Variants in AGBL1 observed in about 807,000 individuals in gnomAD.
AGBL1 encodes the protein cytosolic carboxypeptidase 4.
In AGBL1, 130 loss-of-function variants were observed where a neutral mutation model predicts 118.9. The observed-to-expected ratio is 1.09, with a 90% CI of 0.95 to 1.26. The LOEUF is 1.26. Ranked by LOEUF, AGBL1 falls within the 50% of genes most tolerant of loss-of-function variation. The pLI, the probability that AGBL1 is intolerant of heterozygous loss-of-function variation, is 0.00. For synonymous variants in AGBL1, 555 were observed against 478.9 expected (o/e 1.16, Z -2.08); for missense variants, 1,584 against 1,298.1 (o/e 1.22, Z -3.38).
intron 17 of AGBL1, among the ~76,000 whole-genome samples, chr15:86,356,615 C>T (rs2080725246): frequency 1.3e-5 from 2 of 152,050 alleles, no homozygotes; most frequent in African/African-American, 4.8e-5. Flanking sequence ...TGCTGCATCC[C>T]ATGTGTTTGA....
intron 17 of AGBL1, among the ~76,000 whole-genome samples, chr15:86,334,794 G>A (rs551165246): frequency 6.6e-6 from 1 of 152,178 alleles, no homozygotes; most frequent in South Asian, 2.1e-4. Flanking sequence ...AAATAGCATG[G>A]TACACTACAA....
At chr15:86,581,122 A>T (rs2084166500) in intron 21 of AGBL1, among the ~76,000 whole-genome samples, 1 of 152,198 alleles carries the variant, frequency 6.6e-6, no homozygotes, top group Non-Finnish European at 1.5e-5. Flanking sequence ...ACTTGATATT[A>T]TAAAATATTA....
chr15:86,218,865 C>G (rs887333164), intron 5 of AGBL1, among the ~76,000 whole-genome samples: 7 of 152,196 alleles, frequency 4.6e-5, no homozygotes, highest in African/African-American at 1.4e-4. Flanking sequence ...AGTTGAGCCT[C>G]AAGATGAAGA....
intron 1 of AGBL1, among the ~76,000 whole-genome samples, chr15:86,093,571 A>G: frequency 6.6e-6 from 1 of 152,172 alleles, no homozygotes. Flanking sequence ...GAAGTGATAA[A>G]GTAGATTTGA....
chr15:86,957,173 AAAT>A (rs2080939658), intron 23 of AGBL1, among the ~76,000 whole-genome samples: 1 of 152,142 alleles, frequency 6.6e-6, no homozygotes, highest in South Asian at 2.1e-4. Flanking sequence ...ACACACTGAA[AAAT>A]AATCTATTTT....
intron 22 of AGBL1, among the ~76,000 whole-genome samples, chr15:86,790,708 G>T (rs1567175562): frequency 6.6e-6 from 1 of 151,880 alleles, no homozygotes; most frequent in Non-Finnish European, 1.5e-5. Context: ...TTACTCTCAG[G>T]ACTGCTCCCT....
chr15:86,132,184 C>T (rs2076829179), intron 1 of AGBL1, among the ~76,000 whole-genome samples: 1 of 152,174 alleles, frequency 6.6e-6, no homozygotes, highest in Non-Finnish European at 1.5e-5. Flanking sequence ...ATTCCTGCTT[C>T]ATAATTCTGC....
intron 21 of AGBL1, among the ~76,000 whole-genome samples, chr15:86,623,510 A>G (rs2084842746): frequency 6.6e-6 from 1 of 152,206 alleles, no homozygotes; most frequent in South Asian, 2.1e-4. Flanking sequence ...CTCTACTGCC[A>G]TTCTCTTTGT....
chr15:86,770,388 G>C lies in AGBL1; in HGVS notation c.3158+95952G>C, dbSNP rs543414793. 5.3e-5 allele frequency among the ~76,000 whole-genome samples: 8 copies of C among 152,014 alleles called. No individual in the cohort carries two copies. The South Asian group carries it at 1.7e-3, about 32-fold the overall frequency. On this transcript the variant is annotated intron_variant, in intron 22 of 22. Transcript: ENST00000614907. ...TTATCTTCATGACTGGGAAGGTAGG[G>C]TTGGTTACTAAGAACATCTACTGTG...
intron 19 of AGBL1, among the ~76,000 whole-genome samples, chr15:86,540,557 T>G (rs1272841612): frequency 6.6e-6 from 1 of 152,100 alleles, no homozygotes; most frequent in Non-Finnish European, 1.5e-5. Flanking sequence ...ATTGGGCCAT[T>G]GCACTCCAGT....
chr15:86,183,291 A>G (rs561274651), intron 5 of AGBL1, among the ~76,000 whole-genome samples: 1 of 152,198 alleles, frequency 6.6e-6, no homozygotes, highest in Non-Finnish European at 1.5e-5. Flanking sequence ...TTTTGACTCT[A>G]TGACATATCA....
intron 17 of AGBL1, among the ~76,000 whole-genome samples, chr15:86,371,492 C>T (rs2080969800): frequency 6.6e-6 from 1 of 152,112 alleles, no homozygotes; most frequent in African/African-American, 2.4e-5. Context: ...TATAGTTATA[C>T]ATATGTAATA....
intron 22 of AGBL1, among the ~76,000 whole-genome samples, chr15:86,877,307 C>T (rs1257991342): frequency 2.0e-5 from 3 of 152,122 alleles, no homozygotes; most frequent in Admixed American, 6.6e-5. Context: ...AGGTGCCCAG[C>T]CCTGCCCCAT....
intron 18 of AGBL1, among the ~76,000 whole-genome samples, chr15:86,414,908 A>T (rs1306298571): frequency 1.3e-5 from 2 of 152,160 alleles, no homozygotes; most frequent in Non-Finnish European, 2.9e-5. Context: ...GTGACCTTGG[A>T]CAAGAAACTT....
chr15:86,691,672 C>T (rs547968948), intron 22 of AGBL1, among the ~76,000 whole-genome samples: 1 of 152,232 alleles, frequency 6.6e-6, no homozygotes, highest in South Asian at 2.1e-4. Context: ...GCATGAAATC[C>T]TTCTGGAAGG....
chr15:86,956,003 T>C (rs1311395213), intron 23 of AGBL1, among the ~76,000 whole-genome samples: 2 of 152,140 alleles, frequency 1.3e-5, no homozygotes, highest in Non-Finnish European at 2.9e-5. Flanking sequence ...GCATGCTGTA[T>C]CAAATCTGGG....
chr15:86,745,852 G>T (rs1161055016), intron 22 of AGBL1, among the ~76,000 whole-genome samples: 1 of 151,962 alleles, frequency 6.6e-6, no homozygotes, highest in African/African-American at 2.4e-5. Flanking sequence ...CCAGGCACTT[G>T]GTCTCACACA....
chr15:86,526,386 A>T (rs2083262179), intron 19 of AGBL1, among the ~76,000 whole-genome samples: 1 of 151,970 alleles, frequency 6.6e-6, no homozygotes, highest in Non-Finnish European at 1.5e-5. Context: ...GGAATAAAAA[A>T]GTTATTGTAT....
chr15:86,677,779 G>C (rs997244368), intron 22 of AGBL1, among the ~76,000 whole-genome samples: 4 of 151,894 alleles, frequency 2.6e-5, no homozygotes, highest in Non-Finnish European at 2.9e-5. Flanking sequence ...AACACTAAAA[G>C]AATAAAAATT....
Sources: allele counts gnomAD v4.1 joint callset (sites outside exome capture counted in the v4.1 genomes callset), GRCh38; gene constraint gnomAD v4.1.1; transcripts MANE v1.5; gene names NCBI Gene and HGNC (gene_info 2026-07-23, HGNC 2026-07-21).